Variants in YES1 observed in about 807,000 individuals in gnomAD.
The protein encoded by YES1 is YES proto-oncogene 1, Src family tyrosine kinase.
A neutral mutation model predicts 70.4 loss-of-function variants in YES1; 39 were observed. The ratio of observed to expected loss-of-function variants is 0.55; its 90% CI spans 0.43 to 0.72. The LOEUF is 0.72. Among genes scored for constraint, YES1 ranks in the 30% least tolerant of loss-of-function variants. The pLI, the probability that YES1 is intolerant of heterozygous loss-of-function variation, is 0.00. For synonymous variants in YES1, 198 were observed against 218.6 expected (o/e 0.91, Z 0.83); for missense variants, 495 against 644.8 (o/e 0.77, Z 2.52).
At chr18:777,867 A>G (rs1190486493) in intron 1 of YES1, among the ~76,000 whole-genome samples, 2 of 152,116 alleles carry the variant, frequency 1.3e-5, no homozygotes, top group Non-Finnish European at 2.9e-5. Flanking sequence ...ACTTTATAGC[A>G]GCATGTTTAG....
chr18:742,937 G>T lies in YES1; in HGVS notation c.1041C>A (p.Val347=). 1 of 1,593,792 alleles carries T rather than the reference G, an allele frequency of 6.3e-7. No homozygotes were observed. Among genetic ancestry groups the T allele is most frequent in the South Asian group, 1.2e-5 (1 of 85,950 alleles). The change falls in exon 8 of 12, where the codon GTC becomes GTA. Residue 347 remains valine (V), a synonymous_variant. Transcript: ENST00000314574. The part of the protein sequence containing the change: ...AVVSEEPIYI[V]TEFMSKGSLL... ...ACATACCTTTTGACATAAATTCAGT[G>T]ACAATGTAAATTGGTTCTTCAGAAA...
chr18:729,067 C>A (rs1381647123), intron 11 of YES1, among the ~76,000 whole-genome samples: 1 of 152,142 alleles, frequency 6.6e-6, no homozygotes, highest in Non-Finnish European at 1.5e-5. Flanking sequence ...GCTTCTGGGA[C>A]TCCACAAATT....
intron 1 of YES1, among the ~76,000 whole-genome samples, chr18:790,537 C>T (rs1202761716): frequency 6.6e-6 from 1 of 151,900 alleles, no homozygotes; most frequent in Non-Finnish European, 1.5e-5. Context: ...ACAGATAAAT[C>T]ACTAGATTTC....
At chr18:806,439 A>C (rs1000070719) in intron 1 of YES1, among the ~76,000 whole-genome samples, 3 of 152,242 alleles carry the variant, frequency 2.0e-5, no homozygotes, top group African/African-American at 7.2e-5. Flanking sequence ...ACTTCGAGCT[A>C]TGAAAAAGTA....
intron 1 of YES1, among the ~76,000 whole-genome samples, chr18:761,821 C>A (rs947290667): frequency 3.3e-5 from 5 of 152,168 alleles, no homozygotes; most frequent in Non-Finnish European, 2.9e-5. Flanking sequence ...TAATGTCATA[C>A]GTGATTCACA....
chr18:734,916 G>A (rs2080134561), intron 10 of YES1, among the ~76,000 whole-genome samples: 1 of 152,158 alleles, frequency 6.6e-6, no homozygotes, highest in Non-Finnish European at 1.5e-5. Flanking sequence ...CCAGCGCTTT[G>A]GGAAGCCAAG....
chr18:729,287 C>A (rs1164573718), intron 11 of YES1, among the ~76,000 whole-genome samples: 2 of 152,020 alleles, frequency 1.3e-5, no homozygotes, highest in African/African-American at 4.8e-5. Context: ...GGGTGGCTCA[C>A]GCCTGTAATC....
At chr18:753,915 T>A (rs944063947) in intron 2 of YES1, among the ~76,000 whole-genome samples, 2 of 152,186 alleles carry the variant, frequency 1.3e-5, no homozygotes, top group Non-Finnish European at 2.9e-5. Flanking sequence ...TACCATCTAA[T>A]CAGGTACTCA....
At chr18:786,249 T>C (rs1179407128) in intron 1 of YES1, among the ~76,000 whole-genome samples, 11 of 111,760 alleles carry the variant, frequency 9.8e-5, no homozygotes, top group African/African-American at 4.1e-4. Context: ...ACTCAAAAGA[T>C]AGAAGATGGG....
rs1238569603 is a variant in YES1, at chr18:746,193, G to C, written c.471-142C>G. On this transcript the variant is annotated intron_variant, in intron 4 of 11. Transcript: ENST00000314574. ...TGGCTCAAAATACAGGAAAATGTAA[G>C]AGTTTTATTGATTAAATAGTAATAT... 4.8e-6 allele frequency: 3 copies of C among 625,894 alleles called. No homozygotes were observed. In the Admixed American group the frequency reaches 8.9e-5, roughly 19 times the overall value. The allele number at this position is 625,894 out of a possible 1,614,324, so 38.8% of individuals were successfully genotyped here.
chr18:733,265 A>G (rs1273049675), intron 10 of YES1, among the ~76,000 whole-genome samples: 1 of 152,222 alleles, frequency 6.6e-6, no homozygotes, highest in Non-Finnish European at 1.5e-5. Context: ...ATGTTATAAT[A>G]TGTGTAACTT....
At chr18:768,650 A>G (rs565255009) in intron 1 of YES1, among the ~76,000 whole-genome samples, 1 of 152,202 alleles carries the variant, frequency 6.6e-6, no homozygotes, top group Admixed American at 6.5e-5. Flanking sequence ...CCGTAAGATT[A>G]TAATACTGTA....
chr18:770,175 G>A (rs2145775708), intron 1 of YES1, among the ~76,000 whole-genome samples: 1 of 151,736 alleles, frequency 6.6e-6, no homozygotes. Context: ...AGCCAGGATT[G>A]TCTTGATCTC....
At chr18:742,447 C>T (rs1176172942) in intron 8 of YES1, among the ~76,000 whole-genome samples, 1 of 127,636 alleles carries the variant, frequency 7.8e-6, no homozygotes, top group Non-Finnish European at 1.6e-5. Context: ...AGTTGAGACC[C>T]CAGTCTCTAT....
chr18:761,058 AC>A (rs1904567649), intron 1 of YES1, among the ~76,000 whole-genome samples: 1 of 152,216 alleles, frequency 6.6e-6, no homozygotes, highest in Non-Finnish European at 1.5e-5. Flanking sequence ...CAAGAAATGC[AC>A]ATTATAAGAA....
At chr18:729,969 A>T (rs1027700382) in intron 11 of YES1, among the ~76,000 whole-genome samples, 2 of 152,084 alleles carry the variant, frequency 1.3e-5, no homozygotes, top group Non-Finnish European at 2.9e-5. Context: ...CCTTCTTCAT[A>T]TATCTAGTAA....
At chr18:786,493 C>CCACACA (rs1555690469) in intron 1 of YES1, among the ~76,000 whole-genome samples, 2 of 61,156 alleles carry the variant, frequency 3.3e-5, no homozygotes, top group Non-Finnish European at 6.4e-5. Flanking sequence ...ATTAATAAGT[C>CCACACA]CATACACACA....
intron 6 of YES1, among the ~76,000 whole-genome samples, 153 bp downstream of exon 6, chr18:745,555 C>T (rs762638947): frequency 1.3e-5 from 2 of 152,172 alleles, no homozygotes; most frequent in African/African-American, 4.8e-5. Context: ...CTAAGTATTA[C>T]CTGTTCCTCC....
At chr18:751,238 G>A (rs1305135010) in intron 3 of YES1, among the ~76,000 whole-genome samples, 3 of 152,012 alleles carry the variant, frequency 2.0e-5, no homozygotes, top group Non-Finnish European at 4.4e-5. Context: ...TTTCTACAGT[G>A]TACCTCTAGA....
Sources: allele counts gnomAD v4.1 joint callset (sites outside exome capture counted in the v4.1 genomes callset), GRCh38; gene constraint gnomAD v4.1.1; transcripts MANE v1.5; gene names NCBI Gene and HGNC (gene_info 2026-07-23, HGNC 2026-07-21).